CNTN5: variants seen among roughly 807,000 people sequenced by gnomAD.
CNTN5 encodes the protein contactin 5, also known as contactin-5.
CNTN5 carries 77 observed loss-of-function variants against 129.1 expected under a neutral mutation model. The observed-to-expected ratio is 0.60, with a 90% CI of 0.50 to 0.72. The LOEUF (loss-of-function observed/expected upper bound fraction) is 0.72, where lower values mean the gene tolerates loss of function less well. CNTN5 is among the 30% of genes least tolerant of loss of function. CNTN5 has a pLI of 0.00. For synonymous variants in CNTN5, 509 were observed against 465.6 expected (o/e 1.09, Z -1.20); for missense variants, 1,478 against 1,328.8 (o/e 1.11, Z -1.75).
chr11:100,223,866 A>G (rs1054402012), intron 15 of CNTN5, among the ~76,000 whole-genome samples: 4 of 152,202 alleles, frequency 2.6e-5, no homozygotes, highest in African/African-American at 9.6e-5. Context: ...AAGGAAATCC[A>G]TCTTTCCTGA....
chr11:100,172,757 G>A, intron 13 of CNTN5, among the ~76,000 whole-genome samples: 1 of 152,036 alleles, frequency 6.6e-6, no homozygotes, highest in African/African-American at 2.4e-5. Context: ...ATGTAAAAAA[G>A]CAGCTGGGAT....
At chr11:99,493,082 C>G (rs1460512240) in intron 2 of CNTN5, among the ~76,000 whole-genome samples, 1 of 152,182 alleles carries the variant, frequency 6.6e-6, no homozygotes, top group Non-Finnish European at 1.5e-5. Context: ...ACTGCTACCT[C>G]AAATGCCCAG....
At chr11:99,366,062 C>T (rs982871341) in intron 2 of CNTN5, among the ~76,000 whole-genome samples, 1 of 152,146 alleles carries the variant, frequency 6.6e-6, no homozygotes, top group Admixed American at 6.6e-5. Context: ...CCCATCCATC[C>T]TCATCACTAA....
intron 9 of CNTN5, among the ~76,000 whole-genome samples, chr11:100,011,176 T>C (rs1287342186): frequency 6.6e-6 from 1 of 152,186 alleles, no homozygotes; most frequent in Non-Finnish European, 1.5e-5. Context: ...TGAAAATTCT[T>C]ACCACATTTA....
chr11:99,216,160 C>T (rs1217024489), intron 1 of CNTN5, among the ~76,000 whole-genome samples: 2 of 152,088 alleles, frequency 1.3e-5, no homozygotes, highest in Non-Finnish European at 2.9e-5. Flanking sequence ...CCCCACTATC[C>T]TTCCCAGCCC....
In CNTN5 at chr11:100,061,437, C is replaced by T. The variant is rs763618297; in HGVS notation, c.1162+44C>T. 4 of 1,380,988 alleles carry T rather than the reference C, an allele frequency of 2.9e-6. No individual in the cohort carries two copies. The South Asian group carries it at 4.8e-5, about 17-fold the overall frequency. The allele number at this position is 1,380,988 out of a possible 1,614,324, so 85.5% of individuals were successfully genotyped here. On this transcript the variant is annotated intron_variant, in intron 10 of 24. Coordinates refer to ENST00000524871, the MANE Select transcript of CNTN5 (RefSeq NM_014361.4). The stretch of plus-strand genomic sequence containing the variant: ...GCATGATTGCTCTAGTCCCAAAAGT[C>T]AAACTGAAAGTGGAAATTAACTTTA...
chr11:99,184,846 G>A (rs1250560775), intron 1 of CNTN5, among the ~76,000 whole-genome samples: 3 of 151,956 alleles, frequency 2.0e-5, no homozygotes, highest in African/African-American at 7.2e-5. Context: ...ATTTAACACT[G>A]TAAATTTTAA....
Position 100,340,682 on chromosome 11 carries a change from C to G in CNTN5, c.2917+33C>G, listed in dbSNP as rs137944833. The G allele has an allele frequency of 9.0e-6, 14 of 1,546,984 alleles. No homozygotes were observed. The East Asian group carries it at 3.2e-4, about 35-fold the overall frequency. ...ACCTGGGCTTTTTGTTTGTTTCAGA[C>G]AAAGGGGAAACATCGTATAACATTT... is the stretch of plus-strand genomic sequence containing the variant. On this transcript the variant is annotated intron_variant, in intron 22 of 24. Coordinates refer to ENST00000524871, the MANE Select transcript of CNTN5 (RefSeq NM_014361.4).
At chr11:99,917,762 G>T (rs541585424) in intron 7 of CNTN5, among the ~76,000 whole-genome samples, 11 of 152,212 alleles carry the variant, frequency 7.2e-5, no homozygotes, top group South Asian at 2.1e-4. Flanking sequence ...TATCCAATTG[G>T]CAGAGAAAAC....
intron 1 of CNTN5, among the ~76,000 whole-genome samples, chr11:99,188,579 T>C (rs1384807550): frequency 6.6e-6 from 1 of 151,840 alleles, no homozygotes; most frequent in Non-Finnish European, 1.5e-5. Flanking sequence ...ATGTTTCTTA[T>C]ATCCCACTAT....
chr11:100,061,710 C>T (rs1013376456), intron 10 of CNTN5, among the ~76,000 whole-genome samples: 2 of 152,152 alleles, frequency 1.3e-5, no homozygotes, highest in African/African-American at 4.8e-5. Context: ...ACTTATTCTA[C>T]AACTTGGCCA....
intron 3 of CNTN5, among the ~76,000 whole-genome samples, chr11:99,575,976 C>G (rs1247540274): frequency 6.6e-6 from 1 of 152,188 alleles, no homozygotes; most frequent in Non-Finnish European, 1.5e-5. Flanking sequence ...AACTACCACA[C>G]AGAGGGCCCC....
intron 16 of CNTN5, among the ~76,000 whole-genome samples, chr11:100,243,220 C>T (rs650971): frequency 0.71 from 107,794 of 152,206 alleles, 38,500 homozygotes; most frequent in African/African-American, 0.78. Context: ...TAGCAAAGAA[C>T]GATTCAGATG....
intron 2 of CNTN5, among the ~76,000 whole-genome samples, chr11:99,359,884 T>C (rs915962914): frequency 2.0e-5 from 3 of 151,788 alleles, no homozygotes; most frequent in Non-Finnish European, 4.4e-5. Flanking sequence ...ACCAAGTATA[T>C]ATGAAAAAAA....
At chr11:99,610,697 C>T (rs1950568758) in intron 3 of CNTN5, among the ~76,000 whole-genome samples, 2 of 151,930 alleles carry the variant, frequency 1.3e-5, no homozygotes, top group South Asian at 2.1e-4. Flanking sequence ...CCAGTGGCCG[C>T]ATGTTAGGAA....
intron 3 of CNTN5, among the ~76,000 whole-genome samples, chr11:99,814,507 T>C (rs771788201): frequency 6.6e-6 from 1 of 152,120 alleles, no homozygotes; most frequent in Non-Finnish European, 1.5e-5. Flanking sequence ...TTCAGCATGA[T>C]ACTGTATTCT....
At chr11:100,028,746 C>T (rs1192245820) in intron 9 of CNTN5, among the ~76,000 whole-genome samples, 4 of 152,242 alleles carry the variant, frequency 2.6e-5, no homozygotes, top group Non-Finnish European at 5.9e-5. Context: ...GTCATGTGCC[C>T]TAGTAATCCA....
At chr11:99,242,542 C>G (rs548354864) in intron 1 of CNTN5, among the ~76,000 whole-genome samples, 20 of 152,038 alleles carry the variant, frequency 1.3e-4, no homozygotes, top group African/African-American at 4.8e-4. Flanking sequence ...TACCTAGGTA[C>G]ACTGCATGTC....
At chr11:99,337,704 G>A (rs1866293856) in intron 2 of CNTN5, among the ~76,000 whole-genome samples, 2 of 152,244 alleles carry the variant, frequency 1.3e-5, no homozygotes, top group South Asian at 4.1e-4. Context: ...TTTATGGCTG[G>A]ATTTTGGGGG....
Sources: gnomAD v4.1 joint callset for allele counts (sites outside exome capture counted in the v4.1 genomes callset) on GRCh38, gnomAD v4.1.1 for gene constraint, MANE v1.5 for transcripts, NCBI Gene and HGNC (gene_info 2026-07-23, HGNC 2026-07-21) for gene names.